GUCY2D: variants seen among roughly 807,000 people sequenced by gnomAD.
GUCY2D encodes retinal guanylyl cyclase 1.
In GUCY2D, 70 loss-of-function variants were observed where a neutral mutation model predicts 101.3. That is an observed-to-expected ratio of 0.69 (90% CI 0.57 to 0.84). The LOEUF is 0.84. Ranked by LOEUF, GUCY2D falls within the 40% of genes least tolerant of loss-of-function variation. The pLI, the probability that GUCY2D is intolerant of heterozygous loss-of-function variation, is 0.00. For synonymous variants in GUCY2D, 688 were observed against 670.7 expected (o/e 1.03, Z -0.40); for missense variants, 1,460 against 1,542.5 (o/e 0.95, Z 0.90).
At chr17:8,010,943 T>C (rs1332759787) in intron 8 of GUCY2D, among the ~76,000 whole-genome samples, 1 of 152,080 alleles carries the variant, frequency 6.6e-6, no homozygotes, top group Non-Finnish European at 1.5e-5. Flanking sequence ...GAGGGCACTG[T>C]CCTGCAGAGC....
In GUCY2D at chr17:8,016,516, G is replaced by A. The variant is rs1373025301; in HGVS notation, c.3298G>A (p.Gly1100Ser). 6.4e-7 allele frequency: 1 copy of A among 1,568,544 alleles called. No individual in the cohort carries two copies. Among genetic ancestry groups the A allele is most frequent in the Non-Finnish European group, 8.6e-7 (1 of 1,157,814 alleles). ...RRRKLEKARPGQFS is the reference protein window; with the variant it reads ...RRRKLEKARPSQFS ...ACGGAAGCTGGAGAAGGCGCGGCCG[G>A]GCCAGTTCTCTTGAGAAGTGAGGCC... Residue 1100 changes from glycine to serine, a missense_variant, in exon 19 of 20, where the codon GGC becomes AGC. Around this residue, in one of 3 missense-constraint regions of GUCY2D, gnomAD observed 215 missense variants for 227.9 expected, o/e 0.94. Coordinates refer to ENST00000254854, the MANE Select transcript of GUCY2D (RefSeq NM_000180.4).
Position 8,012,166 on chromosome 17 carries a change from AC to A in GUCY2D, c.1773del (p.Asn591LysfsTer46), listed in dbSNP as rs794727952. 1 of 1,613,872 alleles carries A rather than the reference AC, an allele frequency of 6.2e-7. No individual in the cohort carries two copies. Among genetic ancestry groups the A allele is most frequent in the Admixed American group, 1.7e-5 (1 of 60,032 alleles). On this transcript the variant is annotated frameshift_variant, in exon 9 of 20. Coordinates refer to ENST00000254854, the MANE Select transcript of GUCY2D (RefSeq NM_000180.4). LOFTEE classifies it high-confidence loss of function. ...CAGCTCCAGGAGCTCCGGCATGAGAACGTGGCCCTCTACCTGGGGCTTTTCC... is the reference window on the plus strand; with the variant it reads ...CAGCTCCAGGAGCTCCGGCATGAGAAGTGGCCCTCTACCTGGGGCTTTTCC... The part of the protein sequence containing the change: ...FSKLQELRHE[N>X]VALYLGLFLA...
rs1598146945 is a variant in GUCY2D, at chr17:8,007,636, C to T, written c.1566+108C>T. The T allele has an allele frequency of 5.5e-6, 4 of 728,092 alleles. No homozygotes were observed. The East Asian group carries it at 1.0e-4, about 19-fold the overall frequency. The allele number at this position is 728,092 out of a possible 1,614,324, so 45.1% of individuals were successfully genotyped here. ...CCCTACTTGGGAAGCCTGATTTCTA[C>T]CCCAGTTCTGTCCCACGTCTGAAGT... On this transcript the variant is annotated intron_variant, in intron 6 of 19. Transcript: ENST00000254854.
intron 15 of GUCY2D, 72 bp from the exon 16 acceptor site, chr17:8,015,671 C>T (rs1050991233): frequency 2.4e-6 from 3 of 1,256,694 alleles, no homozygotes; most frequent in Non-Finnish European, 3.4e-6. Context: ...GTGCGAAGAT[C>T]CCCCGAGGCC....
Position 8,011,886 on chromosome 17 carries a change from G to A in GUCY2D, c.1750-258G>A, listed in dbSNP as rs1975857209. Among the ~76,000 whole-genome samples, 1 of 152,150 alleles carries A rather than the reference G, an allele frequency of 6.6e-6. No homozygotes were observed. The highest frequency in any genetic ancestry group is 1.5e-5 in the Non-Finnish European group (1 of 68,020). ...ACCTGCCTGGGTCCTGATCACCAAT[G>A]CAAAGTTGTCTTTTCATTCACAGCA... On this transcript the variant is annotated intron_variant, in intron 8 of 19. Transcript: ENST00000254854. The surrounding 1 kb of genome is among the most constrained non-coding windows in gnomAD (Gnocchi z 4.3).
chr17:8,008,064 GT>G (rs1975780667), intron 7 of GUCY2D, 32 bp downstream of exon 7: 1 of 1,364,510 alleles, frequency 7.3e-7, no homozygotes, highest in African/African-American at 1.4e-5. Flanking sequence ...CAGAGAGACA[GT>G]GGGGGAAGAA....
In GUCY2D at chr17:8,011,023, C is replaced by T. The variant is rs936205000; in HGVS notation, c.1750-1121C>T. Among the ~76,000 whole-genome samples, 1 of 152,006 alleles carries T rather than the reference C, an allele frequency of 6.6e-6. No homozygotes were observed. The highest frequency in any genetic ancestry group is 1.5e-5 in the Non-Finnish European group (1 of 68,004). On this transcript the variant is annotated intron_variant, in intron 8 of 19. Coordinates refer to ENST00000254854, the MANE Select transcript of GUCY2D (RefSeq NM_000180.4). This position sits in a 1 kb window ranked among gnomAD's most constrained non-coding sequence, Gnocchi z 4.3. The stretch of plus-strand genomic sequence containing the variant: ...ACCCGACTGACACAATGACGTAACG[C>T]CAAGCAGAGCAGCCCCCGGCCAGGT...
At position 8,013,726 on chromosome 17, in the gene GUCY2D, C is replaced by T. The variant is rs1419865312; in HGVS notation, c.2264-154C>T. Reference sequence around the variant, plus strand: ...CCTAGCAACCCCCTTCCACACTATACTCTCCCTCCACACACACACACTGAA... The same window carrying T: ...CCTAGCAACCCCCTTCCACACTATATTCTCCCTCCACACACACACACTGAA... On this transcript the variant is annotated intron_variant, in intron 11 of 19. Coordinates refer to ENST00000254854, the MANE Select transcript of GUCY2D (RefSeq NM_000180.4). This position sits in a 1 kb window ranked among gnomAD's most constrained non-coding sequence, Gnocchi z 5.0. 1 of 687,648 alleles carries T rather than the reference C, an allele frequency of 1.5e-6. No homozygotes were observed. Among genetic ancestry groups the T allele is most frequent in the Non-Finnish European group, 2.6e-6 (1 of 384,114 alleles). 42.6% of individuals were successfully genotyped at this position (687,648 alleles called of 1,614,324 possible).
Position 8,015,352 on chromosome 17 carries a change from A to G in GUCY2D, c.2794A>G (p.Met932Val), listed in dbSNP as rs763214846. The change falls in exon 15 of 20, where the codon ATG becomes GTG. Residue 932 changes from methionine (M) to valine (V), a missense_variant. Met to Val is a conservative substitution (Grantham distance 21, BLOSUM62 1). This residue lies in a region of GUCY2D where 49 missense variants were observed against 85.0 expected (regional missense o/e 0.58). Transcript: ENST00000254854. ...YKVETIGDAYMVASGLPQRNG... is the reference protein window; with the variant it reads ...YKVETIGDAYVVASGLPQRNG... ...GGTGGAGACAATAGGGGACGCCTAT[A>G]TGGTGGCCTCGGGGCTGCCCCAGCG... 2.4e-5 allele frequency: 38 copies of G among 1,609,578 alleles called. No homozygotes were observed. Among genetic ancestry groups the G allele is most frequent in the Non-Finnish European group, 3.0e-5 (35 of 1,179,962 alleles).
chr17:8,006,279 C>A, intron 3 of GUCY2D, 84 bp from the exon 4 acceptor site: 1 of 1,032,996 alleles, frequency 9.7e-7, no homozygotes, highest in South Asian at 1.3e-5. Context: ...ACAGTGGATA[C>A]CCTGGGCTTG....
chr17:8,008,118 C>T (rs563889760), intron 7 of GUCY2D, 86 bp downstream of exon 7: 2 of 805,946 alleles, frequency 2.5e-6, no homozygotes, highest in South Asian at 2.9e-5. Flanking sequence ...CTCAGGAGGA[C>T]ATGTAGTCAT....
intron 14 of GUCY2D, 81 bp from the exon 15 acceptor site, chr17:8,015,247 G>A: frequency 7.4e-7 from 1 of 1,356,104 alleles, no homozygotes; most frequent in Non-Finnish European, 1.0e-6. Context: ...CCCCAGGTGG[G>A]CCCGGTGACA....
At chr17:8,007,876 A>C (rs1246413854) in intron 6 of GUCY2D, 55 bp from the exon 7 acceptor site, 1 of 1,123,554 alleles carries the variant, frequency 8.9e-7, no homozygotes, top group Admixed American at 1.7e-5. Flanking sequence ...ACCTCAACCC[A>C]GGACTCTGAC....
chr17:8,012,148 A>T lies in GUCY2D; in HGVS notation c.1754A>T (p.Gln585Leu). ...PATKTAFSKL[Q>L]ELRHENVALY... ...AGTCAACTCTCCCCCTCTCAGCTCCAGGAGCTCCGGCATGAGAACGTGGCC... is the reference window on the plus strand; with the variant it reads ...AGTCAACTCTCCCCCTCTCAGCTCCTGGAGCTCCGGCATGAGAACGTGGCC... The change falls in exon 9 of 20, where the codon CAG becomes CTG. Residue 585 changes from glutamine to leucine, a missense_variant. Coordinates refer to ENST00000254854, the MANE Select transcript of GUCY2D (RefSeq NM_000180.4). 6.2e-7 allele frequency: 1 copy of T among 1,612,488 alleles called. No homozygotes were observed. Among genetic ancestry groups the T allele is most frequent in the Non-Finnish European group, 8.5e-7 (1 of 1,178,976 alleles).
At position 8,013,970 on chromosome 17, in the gene GUCY2D, A is replaced by G; in HGVS notation, c.2354A>G (p.Lys785Arg). 1 of 1,613,850 alleles carries G rather than the reference A, an allele frequency of 6.2e-7. No individual in the cohort carries two copies. Among genetic ancestry groups the G allele is most frequent in the Admixed American group, 1.7e-5 (1 of 60,024 alleles). Residue 785 changes from lysine to arginine, a missense_variant, in exon 12 of 20, where the codon AAG becomes AGG. Physicochemically the swap from Lys to Arg is conservative, Grantham distance 26. This residue lies in a region of GUCY2D where 1,196 missense variants were observed against 1,229.6 expected (regional missense o/e 0.97). Coordinates refer to ENST00000254854, the MANE Select transcript of GUCY2D (RefSeq NM_000180.4). This position sits in a 1 kb window ranked among gnomAD's most constrained non-coding sequence, Gnocchi z 5.0. ...CCTGTCGAGTGTATCCTCCTGATGA[A>G]GCAGTGCTGGGCAGAGCAGCCGGAA... is the stretch of plus-strand genomic sequence containing the variant. ...QAPVECILLMKQCWAEQPELR... is the reference protein window; with the variant it reads ...QAPVECILLMRQCWAEQPELR...
Position 8,007,514 on chromosome 17 carries a change from G to A in GUCY2D, c.1552G>A (p.Gly518Ser), listed in dbSNP as rs537729498. ...CATCACCTTTCTCCACCCACATGGGGGCACCTCTCGAAAGGTGGGGGAGGC... is the reference window on the plus strand; with the variant it reads ...CATCACCTTTCTCCACCCACATGGGAGCACCTCTCGAAAGGTGGGGGAGGC... ...DDITFLHPHG[G>S]TSRKVAQGSR... The change falls in exon 6 of 20, where the codon GGC becomes AGC. Residue 518 changes from glycine (G) to serine (S), a missense_variant. Gly to Ser is a moderately conservative substitution (Grantham distance 56, BLOSUM62 0). Around this residue, in one of 3 missense-constraint regions of GUCY2D, gnomAD observed 1,196 missense variants for 1,229.6 expected, o/e 0.97. Coordinates refer to ENST00000254854, the MANE Select transcript of GUCY2D (RefSeq NM_000180.4). The A allele has an allele frequency of 1.4e-5, 23 of 1,602,692 alleles. No individual in the cohort carries two copies. Among genetic ancestry groups the A allele is most frequent in the Admixed American group, 3.3e-5 (2 of 60,016 alleles).
Position 8,003,760 on chromosome 17 carries a change from GGGT to G in GUCY2D, c.714_716del (p.Arg238_Val239delinsSer), listed in dbSNP as rs1363757662. ...CTGAGGAAGGTTCGGGACGGGCCCA[GGGT>G]CACAGGTAGGCTCCCTTGCAGGGTG... On this transcript the variant is annotated inframe_deletion, in exon 2 of 20. Transcript: ENST00000254854. 2 of 1,599,594 alleles carry G rather than the reference GGGT, an allele frequency of 1.3e-6. No individual in the cohort carries two copies. Among genetic ancestry groups the G allele is most frequent in the South Asian group, 2.2e-5 (2 of 91,034 alleles).
At chr17:8,004,206 A>G in intron 3 of GUCY2D, 50 bp downstream of exon 3, 1 of 1,491,072 alleles carries the variant, frequency 6.7e-7, no homozygotes, top group Non-Finnish European at 9.0e-7. Context: ...GGGAGAGGAC[A>G]GCCAAAGCAG....
intron 3 of GUCY2D, 25 bp from the exon 4 acceptor site, chr17:8,006,338 C>T: frequency 6.3e-7 from 1 of 1,577,402 alleles, no homozygotes; most frequent in African/African-American, 1.3e-5. Flanking sequence ...ACCCCGACCT[C>T]TGAGCCCCTA....
Sources: gnomAD v4.1 joint callset for allele counts (sites outside exome capture counted in the v4.1 genomes callset) on GRCh38, gnomAD v4.1.1 for gene constraint, gnomAD v4.1.1 regional missense constraint, Gnocchi (gnomAD v3.1) non-coding constraint, MANE v1.5 for transcripts, NCBI Gene and HGNC (gene_info 2026-07-23, HGNC 2026-07-21) for gene names.